The following ZNF804A variants were observed in gnomAD, a reference collection of about 807,000 sequenced individuals.
ZNF804A encodes zinc finger protein 804A.
In ZNF804A, 2 loss-of-function variants were observed where a neutral mutation model predicts 16.5. That is an observed-to-expected ratio of 0.12 (90% CI 0.05 to 0.38). The LOEUF (loss-of-function observed/expected upper bound fraction) is 0.38, where lower values mean the gene tolerates loss of function less well. Among genes scored for constraint, ZNF804A ranks in the 10% least tolerant of loss-of-function variants. The pLI, the probability that ZNF804A is intolerant of heterozygous loss-of-function variation, is 0.99. For synonymous variants in ZNF804A, 534 were observed against 489.6 expected (o/e 1.09, Z -1.20); for missense variants, 1,473 against 1,390.7 (o/e 1.06, Z -0.94).
intron 1 of ZNF804A, among the ~76,000 whole-genome samples, chr2:184,859,815 G>C (rs2105808068): frequency 6.6e-6 from 1 of 152,354 alleles, no homozygotes; most frequent in South Asian, 2.1e-4. Context: ...CTTATTGCTG[G>C]AATCTAAAGT....
chr2:184,880,759 T>C (rs1401609612), intron 2 of ZNF804A, among the ~76,000 whole-genome samples: 1 of 152,048 alleles, frequency 6.6e-6, no homozygotes, highest in Admixed American at 6.6e-5. Flanking sequence ...TCCTTCTTGC[T>C]GTGTCATCCC....
chr2:184,744,946 GCCAGAAAGA>G (rs1693766280), intron 1 of ZNF804A, among the ~76,000 whole-genome samples: 1 of 151,678 alleles, frequency 6.6e-6, no homozygotes, highest in Non-Finnish European at 1.5e-5. Context: ...AGACAATAGG[GCCAGAAAGA>G]CCTGATTACA....
At chr2:184,670,436 G>A (rs1692324108) in intron 1 of ZNF804A, among the ~76,000 whole-genome samples, 1 of 152,010 alleles carries the variant, frequency 6.6e-6, no homozygotes, top group African/African-American at 2.4e-5. Context: ...CAGTTTCAGA[G>A]CGATGCCTAT....
chr2:184,761,692 A>G (rs1411715469), intron 1 of ZNF804A, among the ~76,000 whole-genome samples: 1 of 152,154 alleles, frequency 6.6e-6, no homozygotes, highest in South Asian at 2.1e-4. Context: ...ACCTCCAGAT[A>G]TCACCACAGA....
intron 1 of ZNF804A, among the ~76,000 whole-genome samples, chr2:184,702,271 A>T (rs1692931585): frequency 6.6e-6 from 1 of 152,026 alleles, no homozygotes; most frequent in Admixed American, 6.6e-5. Context: ...TTTTGAGACA[A>T]CTGGAATGCA....
chr2:184,829,903 AAAAAAAAAAAAAAAAAAAACAAAAAC>A (rs1303900699), intron 1 of ZNF804A, among the ~76,000 whole-genome samples: 94 of 111,616 alleles, frequency 8.4e-4, no homozygotes, highest in African/African-American at 4.2e-3. Flanking sequence ...CTCTACCAAA[AAAAAAAAAAAAAAAAAAAACAAAAAC>A]AAAAAAAAAA....
At chr2:184,856,631 AC>A (rs1451971400) in intron 1 of ZNF804A, among the ~76,000 whole-genome samples, 2 of 152,098 alleles carry the variant, frequency 1.3e-5, no homozygotes, top group Non-Finnish European at 2.9e-5. Context: ...ATACCAAACA[AC>A]CACAGATCGT....
intron 1 of ZNF804A, among the ~76,000 whole-genome samples, chr2:184,844,679 ATG>A (rs1695487881): frequency 6.7e-6 from 1 of 150,076 alleles, no homozygotes; most frequent in African/African-American, 2.5e-5. Context: ...TGATATGCTT[ATG>A]TGTTTGTTGT....
At chr2:184,733,424 A>C (rs995403477) in intron 1 of ZNF804A, among the ~76,000 whole-genome samples, 1 of 151,966 alleles carries the variant, frequency 6.6e-6, no homozygotes, top group Admixed American at 6.6e-5. Flanking sequence ...GTTGGATTTG[A>C]TTTGATATAA....
intron 1 of ZNF804A, among the ~76,000 whole-genome samples, chr2:184,753,812 A>C (rs1434893747): frequency 6.6e-6 from 1 of 151,912 alleles, no homozygotes; most frequent in Non-Finnish European, 1.5e-5. Context: ...TTATAAGCTA[A>C]CATGTGGATG....
intron 1 of ZNF804A, among the ~76,000 whole-genome samples, chr2:184,836,859 C>T (rs746751750): frequency 1.6e-4 from 24 of 151,236 alleles, no homozygotes; most frequent in Non-Finnish European, 3.1e-4. Flanking sequence ...GTGCCTTTAC[C>T]CCTCTCTCTA....
chr2:184,881,340 C>T (rs371175892), intron 2 of ZNF804A, among the ~76,000 whole-genome samples: 12 of 152,014 alleles, frequency 7.9e-5, no homozygotes, highest in South Asian at 4.1e-4. Context: ...ACTTGGAAAA[C>T]GTACTTCAGA....
At chr2:184,705,988 A>G (rs978810283) in intron 1 of ZNF804A, among the ~76,000 whole-genome samples, 5 of 151,912 alleles carry the variant, frequency 3.3e-5, no homozygotes, top group Admixed American at 6.6e-5. Flanking sequence ...GATTATTAAA[A>G]CCCTTTGCTG....
chr2:184,639,065 C>T (rs1030072035), intron 1 of ZNF804A, among the ~76,000 whole-genome samples: 1 of 146,996 alleles, frequency 6.8e-6, no homozygotes, highest in Non-Finnish European at 1.5e-5. Flanking sequence ...AGGAAGCCCC[C>T]TCCTTTTTTT....
chr2:184,816,743 T>G (rs753679029), intron 1 of ZNF804A, among the ~76,000 whole-genome samples: 1 of 151,974 alleles, frequency 6.6e-6, no homozygotes, highest in East Asian at 1.9e-4. Context: ...GTTTCTTGTT[T>G]GGGAGTATTT....
intron 1 of ZNF804A, among the ~76,000 whole-genome samples, chr2:184,774,287 C>T (rs760463731): frequency 3.3e-5 from 5 of 151,772 alleles, no homozygotes; most frequent in Admixed American, 1.3e-4. Flanking sequence ...AATGAGGTGG[C>T]GACTAATGTC....
chr2:184,802,325 A>G (rs1694740225), intron 1 of ZNF804A, among the ~76,000 whole-genome samples: 1 of 152,160 alleles, frequency 6.6e-6, no homozygotes, highest in South Asian at 2.1e-4. Flanking sequence ...TTTCACTGGA[A>G]AGTAAACCTT....
intron 1 of ZNF804A, among the ~76,000 whole-genome samples, chr2:184,816,211 A>G (rs1694980319): frequency 6.6e-6 from 1 of 152,060 alleles, no homozygotes; most frequent in Non-Finnish European, 1.5e-5. Context: ...GGATTCAGCA[A>G]GCCACTAGGC....
chr2:184,752,588 C>G (rs1182358397), intron 1 of ZNF804A, among the ~76,000 whole-genome samples: 1 of 151,416 alleles, frequency 6.6e-6, no homozygotes, highest in Non-Finnish European at 1.5e-5. Context: ...ACACAATATA[C>G]CCATGTAATA....
Sources: gnomAD v4.1 joint callset for allele counts (sites outside exome capture counted in the v4.1 genomes callset) on GRCh38, gnomAD v4.1.1 for gene constraint, MANE v1.5 for transcripts, NCBI Gene and HGNC (gene_info 2026-07-23, HGNC 2026-07-21) for gene names.